Variants in IGF2BP1 observed in about 807,000 individuals in gnomAD.
IGF2BP1 encodes insulin like growth factor 2 mRNA binding protein 1, also known as insulin-like growth factor 2 mRNA-binding protein 1.
A neutral mutation model predicts 74.9 loss-of-function variants in IGF2BP1; 11 were observed. The ratio of observed to expected loss-of-function variants is 0.15; its 90% CI spans 0.09 to 0.24. The LOEUF (loss-of-function observed/expected upper bound fraction) is 0.24, where lower values mean the gene tolerates loss of function less well. IGF2BP1 is among the 10% of genes least tolerant of loss of function. IGF2BP1 has a pLI of 1.00. For missense variants in IGF2BP1, 440 were observed against 757.4 expected (o/e 0.58, Z 4.92); for synonymous variants, 287 against 281.8 (o/e 1.02, Z -0.18).
chr17:49,042,502 G>A, intron 9 of IGF2BP1, 125 bp downstream of exon 9: 1 of 965,546 alleles, frequency 1.0e-6, no homozygotes, highest in East Asian at 2.5e-5. Flanking sequence ...TGATGCTTTT[G>A]GACTTCGACT....
chr17:49,014,958 T>A (rs1282983840), intron 2 of IGF2BP1: 8 of 984,728 alleles, frequency 8.1e-6, no homozygotes, highest in Admixed American at 6.2e-5. Flanking sequence ...GTTTTCAAGG[T>A]ACCTCTCATG....
intron 9 of IGF2BP1, among the ~76,000 whole-genome samples, chr17:49,043,008 G>T (rs2042069192): frequency 6.6e-6 from 1 of 152,098 alleles, no homozygotes; most frequent in Non-Finnish European, 1.5e-5. Context: ...AGGAGACTTG[G>T]GGTTGGGGTA....
At chr17:49,022,020 A>C (rs564864476) in intron 2 of IGF2BP1, among the ~76,000 whole-genome samples, 3 of 152,346 alleles carry the variant, frequency 2.0e-5, no homozygotes, top group African/African-American at 7.2e-5. Context: ...ACTAGTCTGG[A>C]TACTCCAGTT....
chr17:49,012,975 G>T (rs190682130), intron 2 of IGF2BP1: 1 of 152,102 alleles, frequency 6.6e-6, no homozygotes, highest in African/African-American at 2.4e-5. Context: ...GCACAGTGTA[G>T]TGACATTTGC....
At chr17:48,998,147 G>T (rs1199785631) in intron 1 of IGF2BP1, among the ~76,000 whole-genome samples, 2 of 151,938 alleles carry the variant, frequency 1.3e-5, no homozygotes, top group African/African-American at 2.4e-5. Flanking sequence ...CCCAGCCTGA[G>T]ATAAGGAGCT....
At chr17:49,025,753 T>TG in intron 3 of IGF2BP1, 87 bp downstream of exon 3, 1 of 1,184,954 alleles carries the variant, frequency 8.4e-7, no homozygotes, top group Non-Finnish European at 1.2e-6. Context: ...CAGAAATGAT[T>TG]GGGGAGGTCT....
Position 49,052,713 on chromosome 17 carries a change from G to C in IGF2BP1, c.*3269G>C, listed in dbSNP as rs906269777. On this transcript the variant is annotated 3_prime_UTR_variant, in exon 15 of 15. Transcript: ENST00000290341. The stretch of plus-strand genomic sequence containing the variant: ...GGGCAACTCCTTGCCCTCCTGCTCA[G>C]CACCTCCATTTCCCCATCCTTGGTG... 1.3e-5 allele frequency: 2 copies of C among 152,512 alleles called. No homozygotes were observed. Among genetic ancestry groups the C allele is most frequent in the Non-Finnish European group, 2.9e-5 (2 of 68,038 alleles). 9.4% of individuals were successfully genotyped at this position (152,512 alleles called of 1,614,324 possible). A position where few individuals can be genotyped will look rare whatever the true frequency, so the allele number is the denominator to read the frequency against.
In IGF2BP1 at chr17:49,055,894, A is replaced by G. The variant is rs923266739; in HGVS notation, c.*6450A>G. Among the ~76,000 whole-genome samples, 5 of 149,146 alleles carry G rather than the reference A, an allele frequency of 3.4e-5. No homozygotes were observed. Among genetic ancestry groups the G allele is most frequent in the Admixed American group, 2.0e-4 (3 of 14,888 alleles). ...GCTAGCTTATTCTGTAATTGCGGCA[A>G]CTTTGAAAATTGTATTTTACTGGAA... On this transcript the variant is annotated 3_prime_UTR_variant, in exon 15 of 15. Coordinates refer to ENST00000290341, the MANE Select transcript of IGF2BP1 (RefSeq NM_006546.4).
chr17:49,016,963 G>A (rs2041713095), intron 2 of IGF2BP1, among the ~76,000 whole-genome samples: 2 of 149,228 alleles, frequency 1.3e-5, no homozygotes, highest in African/African-American at 4.9e-5. Flanking sequence ...TGCCAGGTCC[G>A]CCCCCTTCAG....
rs150183508 is a variant in IGF2BP1 at position 49,031,932 on chromosome 17, A to G, written c.360A>G (p.Ala120=). ...CEQVNTESET[A]VVNVTYSNRE... ...CAGTGAACACCGAGAGTGAGACGGC[A>G]GTGGTGAATGTCACCTATTCCAACC... The change falls in exon 5 of 15, where the codon GCA becomes GCG. Residue 120 remains alanine (A), a synonymous_variant. Transcript: ENST00000290341. 3.7e-5 allele frequency: 57 copies of G among 1,556,556 alleles called. No homozygotes were observed. In the African/African-American group the frequency reaches 7.0e-4, roughly 19 times the overall value.
At chr17:49,047,405 G>T (rs2042118140) in intron 14 of IGF2BP1, among the ~76,000 whole-genome samples, 1 of 151,980 alleles carries the variant, frequency 6.6e-6, no homozygotes, top group African/African-American at 2.4e-5. Flanking sequence ...CGATGCCTTT[G>T]TATACCCAGC....
rs1176196396 is a variant in IGF2BP1 at position 49,056,095 on chromosome 17, C to G, written c.*6651C>G. ...AGGTTGTTTCAGCCACAAACCACTT[C>G]ATTTTGCTGTTTCAATTTCAAAATA... On this transcript the variant is annotated 3_prime_UTR_variant, in exon 15 of 15. Coordinates refer to ENST00000290341, the MANE Select transcript of IGF2BP1 (RefSeq NM_006546.4). Among the ~76,000 whole-genome samples, 2 of 151,996 alleles carry G rather than the reference C, an allele frequency of 1.3e-5. No individual in the cohort carries two copies. The highest frequency in any genetic ancestry group is 2.9e-5 in the Non-Finnish European group (2 of 68,002).
At chr17:49,026,110 C>T (rs976971802) in intron 3 of IGF2BP1, among the ~76,000 whole-genome samples, 28 of 152,056 alleles carry the variant, frequency 1.8e-4, no homozygotes, top group African/African-American at 6.8e-4. Context: ...CGTGCCTGGC[C>T]TCATGTAACC....
intron 9 of IGF2BP1, 79 bp downstream of exon 9, chr17:49,042,456 C>A (rs2042062597): frequency 6.6e-7 from 1 of 1,520,478 alleles, no homozygotes; most frequent in Non-Finnish European, 9.1e-7. Flanking sequence ...GGGTGATGGA[C>A]ATGTGCCCTG....
Position 49,054,951 on chromosome 17 carries a change from C to G in IGF2BP1, c.*5507C>G, listed in dbSNP as rs770787969. The G allele has an allele frequency of 6.7e-6, 1 of 148,768 alleles. No individual in the cohort carries two copies. Among genetic ancestry groups the G allele is most frequent in the African/African-American group, 2.5e-5 (1 of 40,590 alleles). 9.2% of individuals were successfully genotyped at this position (148,768 alleles called of 1,614,324 possible). A position where few individuals can be genotyped will look rare whatever the true frequency, so the allele number is the denominator to read the frequency against. On this transcript the variant is annotated 3_prime_UTR_variant, in exon 15 of 15. Transcript: ENST00000290341. ...GGGAGTTCCACTGGGCGATCCCAGC[C>G]CCTCCCCACCCACCCTCTAATGGAC...
At position 49,052,716 on chromosome 17, in the gene IGF2BP1, C is replaced by A. The variant is rs1334595892; in HGVS notation, c.*3272C>A. ...CAACTCCTTGCCCTCCTGCTCAGCA[C>A]CTCCATTTCCCCATCCTTGGTGAGA... On this transcript the variant is annotated 3_prime_UTR_variant, in exon 15 of 15. Transcript: ENST00000290341. 1 of 152,476 alleles carries A rather than the reference C, an allele frequency of 6.6e-6. No individual in the cohort carries two copies. Among genetic ancestry groups the A allele is most frequent in the African/African-American group, 2.4e-5 (1 of 41,370 alleles). 9.4% of individuals were successfully genotyped at this position (152,476 alleles called of 1,614,324 possible). A position where few individuals can be genotyped will look rare whatever the true frequency, so the allele number is the denominator to read the frequency against.
rs1054216112 is a variant in IGF2BP1, at chr17:49,023,630, C to T, written c.237-1988C>T. Among the ~76,000 whole-genome samples, 17 of 152,078 alleles carry T rather than the reference C, an allele frequency of 1.1e-4. No individual in the cohort carries two copies. The East Asian group carries it at 1.7e-3, about 15-fold the overall frequency. ...CATGTCAGGTAGGAATACTGAGGCC[C>T]GAAGCTTAAGAGAGGCTTAATTAGA... On this transcript the variant is annotated intron_variant, in intron 2 of 14. Transcript: ENST00000290341.
intron 1 of IGF2BP1, among the ~76,000 whole-genome samples, chr17:48,998,239 G>A (rs900564017): frequency 2.0e-5 from 3 of 152,184 alleles, no homozygotes; most frequent in African/African-American, 4.8e-5. Context: ...TAGGGACACG[G>A]GGATGACCCC....
At chr17:49,004,161 G>T (rs1034972973) in intron 2 of IGF2BP1, among the ~76,000 whole-genome samples, 2 of 152,174 alleles carry the variant, frequency 1.3e-5, no homozygotes, top group Non-Finnish European at 2.9e-5. Flanking sequence ...GAGAACATCC[G>T]CTGGCCTGGG....
Sources: allele counts gnomAD v4.1 joint callset (sites outside exome capture counted in the v4.1 genomes callset), GRCh38; gene constraint gnomAD v4.1.1; transcripts MANE v1.5; gene names NCBI Gene and HGNC (gene_info 2026-07-23, HGNC 2026-07-21).